Variants in TBCD observed in about 807,000 individuals in gnomAD.
TBCD encodes tubulin-specific chaperone D.
Under a neutral mutation model 169.3 loss-of-function variants are expected in TBCD, and 105 were observed. The observed-to-expected ratio is 0.62, with a 90% CI of 0.53 to 0.73. The LOEUF (loss-of-function observed/expected upper bound fraction) is 0.73, where lower values mean the gene tolerates loss of function less well. Ranked by LOEUF, TBCD falls within the 30% of genes least tolerant of loss-of-function variation. The pLI is 0.00. For synonymous variants in TBCD, 700 were observed against 643.9 expected (o/e 1.09, Z -1.32); for missense variants, 1,444 against 1,600.1 (o/e 0.90, Z 1.66).
chr17:82,812,079 G>C (rs2051482081), intron 12 of TBCD, among the ~76,000 whole-genome samples: 1 of 152,106 alleles, frequency 6.6e-6, no homozygotes, highest in Non-Finnish European at 1.5e-5. Flanking sequence ...CCCATCACCA[G>C]CCCTGCAGCA....
At chr17:82,804,647 A>G (rs1043068734) in intron 9 of TBCD, among the ~76,000 whole-genome samples, 32 of 152,168 alleles carry the variant, frequency 2.1e-4, no homozygotes, top group African/African-American at 7.5e-4. Flanking sequence ...GCCCCTCCGC[A>G]GGGCAGTGCA....
intron 13 of TBCD, among the ~76,000 whole-genome samples, chr17:82,859,151 G>A (rs146958014): frequency 0.016 from 2,353 of 151,108 alleles, 58 homozygotes; most frequent in African/African-American, 0.054. Flanking sequence ...TGACACACTG[G>A]CTTTCAGGGA....
In TBCD at chr17:82,944,806, C is replaced by CTATT. The variant is rs1179717024; in HGVS notation, c.*2345_*2348dup. 6 of 152,168 alleles carry CTATT rather than the reference C, an allele frequency of 3.9e-5. No individual in the cohort carries two copies. Among genetic ancestry groups the CTATT allele is most frequent in the Non-Finnish European group, 8.8e-5 (6 of 68,032 alleles). The allele number at this position is 152,168 out of a possible 1,614,324, so 9.4% of individuals were successfully genotyped here. A position where few individuals can be genotyped will look rare whatever the true frequency, so the allele number is the denominator to read the frequency against. On this transcript the variant is annotated 3_prime_UTR_variant, in exon 39 of 39. Transcript: ENST00000355528. ...TGCTGAGCCCTGGAATCTAGTCACG[C>CTATT]TATTTTGATAGCAGAATGGATGAGA... is the stretch of plus-strand genomic sequence containing the variant.
rs535890267 is a variant in TBCD, at chr17:82,782,270, A to T, written c.771+549A>T. On this transcript the variant is annotated intron_variant, in intron 7 of 38. Transcript: ENST00000355528. This position sits in a 1 kb window ranked among gnomAD's most constrained non-coding sequence, Gnocchi z 5.1. ...CCTTTTCTTGTGCTAACGAGGAGGA[A>T]AGGTCAAGTCTCAGAAGAGGGCAAA... is the stretch of plus-strand genomic sequence containing the variant. Among the ~76,000 whole-genome samples the T allele has an allele frequency of 1.1e-4, 17 of 152,278 alleles. No homozygotes were observed. Among genetic ancestry groups the T allele is most frequent in the African/African-American group, 3.4e-4 (14 of 41,550 alleles).
chr17:82,877,036 T>C (rs2058025193), intron 14 of TBCD: 1 of 909,730 alleles, frequency 1.1e-6, no homozygotes, highest in South Asian at 5.1e-5. Context: ...CTTTCTTCAT[T>C]AATCAATGTT....
intron 13 of TBCD, among the ~76,000 whole-genome samples, chr17:82,853,733 A>T (rs532456135): frequency 3.3e-5 from 5 of 151,884 alleles, no homozygotes; most frequent in African/African-American, 9.7e-5. Context: ...GTGTTTTCTC[A>T]GTGTATTCTT....
intron 35 of TBCD, 37 bp from the exon 36 acceptor site, chr17:82,938,012 G>A: frequency 6.2e-7 from 1 of 1,610,332 alleles, no homozygotes; most frequent in Non-Finnish European, 8.5e-7. Context: ...CCTGCGCGGG[G>A]TGGGGCTCAC....
chr17:82,931,553 G>A (rs922326360), intron 33 of TBCD, among the ~76,000 whole-genome samples: 2 of 152,206 alleles, frequency 1.3e-5, no homozygotes, highest in South Asian at 2.1e-4. Context: ...CTGACCAGTC[G>A]TGTCTGTTGG....
intron 2 of TBCD, among the ~76,000 whole-genome samples, chr17:82,757,546 C>A (rs916008639): frequency 6.6e-6 from 1 of 150,386 alleles, no homozygotes; most frequent in African/African-American, 2.5e-5. Context: ...GGCGTGAACC[C>A]GGGAGGCGGA....
chr17:82,932,978 CG>C, intron 34 of TBCD: 2 of 518,000 alleles, frequency 3.9e-6, no homozygotes, highest in South Asian at 2.1e-5. Flanking sequence ...GGGGCTGAGG[CG>C]GGGGCCCTGC....
chr17:82,790,314 T>C (rs2049616701), intron 7 of TBCD, among the ~76,000 whole-genome samples: 1 of 152,196 alleles, frequency 6.6e-6, no homozygotes, highest in African/African-American at 2.4e-5. Context: ...TCTGTGCCCT[T>C]GATCCTGGCA....
intron 14 of TBCD, among the ~76,000 whole-genome samples, chr17:82,879,846 A>C (rs1336296851): frequency 1.3e-5 from 2 of 151,274 alleles, no homozygotes; most frequent in Admixed American, 1.3e-4. Flanking sequence ...GGCTTCGTTG[A>C]CTTGGCACAG....
At chr17:82,916,581 AT>A (rs780614551) in intron 23 of TBCD, among the ~76,000 whole-genome samples, 1 of 151,566 alleles carries the variant, frequency 6.6e-6, no homozygotes, top group Non-Finnish European at 1.5e-5. Flanking sequence ...TTTAGTTTGC[AT>A]TTATTCATTC....
chr17:82,923,597 C>G lies in TBCD; in HGVS notation c.2179-55C>G. 7.0e-7 allele frequency: 1 copy of G among 1,438,236 alleles called. No homozygotes were observed. The highest frequency in any genetic ancestry group is 2.5e-5 in the East Asian group (1 of 40,290). 89.1% of individuals were successfully genotyped at this position (1,438,236 alleles called of 1,614,324 possible). ...CAGAGTGACCTGCTCTGTCCCTGGC[C>G]GGGGGCTTCTCCGAGCAGAGCTGCT... On this transcript the variant is annotated intron_variant, in intron 25 of 38. Coordinates refer to ENST00000355528, the MANE Select transcript of TBCD (RefSeq NM_005993.5). This position sits in a 1 kb window ranked among gnomAD's most constrained non-coding sequence, Gnocchi z 4.6.
intron 1 of TBCD, 83 bp downstream of exon 1, chr17:82,752,460 A>T: frequency 9.2e-7 from 1 of 1,087,520 alleles, no homozygotes; most frequent in Non-Finnish European, 1.1e-6. Flanking sequence ...CGGGGACCGC[A>T]GCCCGGCGGC....
rs1315541129 is a variant in TBCD at position 82,915,983 on chromosome 17, C to T, written c.2038+4194C>T. On this transcript the variant is annotated intron_variant, in intron 23 of 38. Coordinates refer to ENST00000355528, the MANE Select transcript of TBCD (RefSeq NM_005993.5). This position sits in a 1 kb window ranked among gnomAD's most constrained non-coding sequence, Gnocchi z 4.3. Reference sequence around the variant, plus strand: ...ACATGGCCGGTGCTGTCGTGCCTTTCGCTTTTACCTGTATCTTAAATCACA... The same window carrying T: ...ACATGGCCGGTGCTGTCGTGCCTTTTGCTTTTACCTGTATCTTAAATCACA... 6.6e-6 allele frequency among the ~76,000 whole-genome samples: 1 copy of T among 152,198 alleles called. No homozygotes were observed. The highest frequency in any genetic ancestry group is 2.4e-5 in the African/African-American group (1 of 41,460).
At chr17:82,803,202 A>G (rs962875851) in intron 9 of TBCD, among the ~76,000 whole-genome samples, 4 of 152,218 alleles carry the variant, frequency 2.6e-5, no homozygotes, top group African/African-American at 9.6e-5. Flanking sequence ...AGGCTTTGTT[A>G]GGGTGGGTCT....
chr17:82,829,542 G>A (rs1258547200), intron 13 of TBCD: 1 of 153,578 alleles, frequency 6.5e-6, no homozygotes, highest in Non-Finnish European at 1.5e-5. Flanking sequence ...AATGGAAAGT[G>A]AGGCAGAGTA....
chr17:82,771,288 A>G (rs1233382221), intron 5 of TBCD, among the ~76,000 whole-genome samples: 2 of 152,050 alleles, frequency 1.3e-5, no homozygotes, highest in East Asian at 3.9e-4. Context: ...AGCCTAGACA[A>G]TATAATGTGA....
Sources: gnomAD v4.1 joint callset for allele counts (sites outside exome capture counted in the v4.1 genomes callset) on GRCh38, gnomAD v4.1.1 for gene constraint, Gnocchi (gnomAD v3.1) non-coding constraint, MANE v1.5 for transcripts, NCBI Gene and HGNC (gene_info 2026-07-23, HGNC 2026-07-21) for gene names.